Variants in MEGF8 observed in about 807,000 individuals in gnomAD.
MEGF8 encodes multiple EGF like domains 8.
A neutral mutation model predicts 302.9 loss-of-function variants in MEGF8; 156 were observed. The observed-to-expected ratio is 0.52, with a 90% CI of 0.45 to 0.59. The LOEUF is 0.59. Ranked by LOEUF, MEGF8 falls within the 20% of genes least tolerant of loss-of-function variation. The probability of loss-of-function intolerance (pLI) is 0.00; values close to 1 mark genes in which losing one functional copy is unlikely to be tolerated. For synonymous variants in MEGF8, 1,621 were observed against 1,660.5 expected (o/e 0.98, Z 0.58); for missense variants, 3,345 against 3,964.5 (o/e 0.84, Z 4.20).
chr19:42,363,220 T>A lies in MEGF8; in HGVS notation c.6231T>A (p.Asp2077Glu). The A allele has an allele frequency of 6.2e-7, 1 of 1,610,148 alleles. No homozygotes were observed. The highest frequency in any genetic ancestry group is 8.5e-7 in the Non-Finnish European group (1 of 1,178,390). Residue 2077 changes from aspartate to glutamate, a missense_variant, in exon 35 of 42, where the codon GAT becomes GAA. Physicochemically the swap from Asp to Glu is conservative, Grantham distance 45 (BLOSUM62 2). Transcript: ENST00000251268. ...CCTGCCTGGACTCTAAGGGAGCAGATGGGGGCTGGCAGCACTGTGTTTGGA... is the reference window on the plus strand; with the variant it reads ...CCTGCCTGGACTCTAAGGGAGCAGAAGGGGGCTGGCAGCACTGTGTTTGGA... ...CTSCLDSKGA[D>E]GGWQHCVWSS...
At chr19:42,364,729 T>C (rs1240038538) in intron 35 of MEGF8, among the ~76,000 whole-genome samples, 1 of 152,210 alleles carries the variant, frequency 6.6e-6, no homozygotes, top group African/African-American at 2.4e-5. Flanking sequence ...TGACTCCAAC[T>C]TGGCCACTTC....
At chr19:42,359,380 T>A in intron 31 of MEGF8, 138 bp downstream of exon 31, 1 of 709,986 alleles carries the variant, frequency 1.4e-6, no homozygotes, top group Non-Finnish European at 2.0e-6. Context: ...CTGGATTATC[T>A]GAACACCAGG....
intron 32 of MEGF8, among the ~76,000 whole-genome samples, chr19:42,361,321 A>G (rs1040120012): frequency 1.3e-5 from 2 of 152,162 alleles, no homozygotes; most frequent in Non-Finnish European, 2.9e-5. Context: ...AGGGCTTCCC[A>G]TGCCTGGCAG....
At chr19:42,365,696 T>G (rs1488840663) in intron 35 of MEGF8, among the ~76,000 whole-genome samples, 1 of 145,344 alleles carries the variant, frequency 6.9e-6, no homozygotes, top group Admixed American at 7.1e-5. Flanking sequence ...CACTTGTGTC[T>G]GGGAGGTTGA....
rs760894129 is a variant in MEGF8 at position 42,375,979 on chromosome 19, C to T, written c.7742C>T (p.Thr2581Met). The change falls in exon 42 of 42, where the codon ACG (threonine) becomes ATG (methionine). Residue 2581 changes from threonine to methionine, a missense_variant. By Grantham distance (81) the Thr-to-Met change is moderately conservative. Coordinates refer to ENST00000251268, the MANE Select transcript of MEGF8 (RefSeq NM_001271938.2). The surrounding 1 kb of genome is among the most constrained non-coding windows in gnomAD (Gnocchi z 7.1). ...PRGLITYVTVTEPSAVLVVRG... is the reference protein window; with the variant it reads ...PRGLITYVTVMEPSAVLVVRG... ...GGCCTGATTACCTACGTGACGGTGA[C>T]GGAGCCGTCGGCAGTGCTGGTGGTC... The T allele has an allele frequency of 4.6e-5, 74 of 1,606,050 alleles. No homozygotes were observed. The highest frequency in any genetic ancestry group is 1.1e-4 in the African/African-American group (8 of 74,884).
At position 42,358,995 on chromosome 19, in the gene MEGF8, G is replaced by T; in HGVS notation, c.5343+41G>T. 1.3e-6 allele frequency: 2 copies of T among 1,590,406 alleles called. No homozygotes were observed. Among genetic ancestry groups the T allele is most frequent in the East Asian group, 2.3e-5 (1 of 44,226 alleles). Reference sequence around the variant, plus strand: ...GGTTAGGATTGGGTGGGCTGGTAGGGGGGGATAGGTAGGGAAGTACAGGGG... The same window carrying T: ...GGTTAGGATTGGGTGGGCTGGTAGGTGGGGATAGGTAGGGAAGTACAGGGG... On this transcript the variant is annotated intron_variant, in intron 30 of 41. Transcript: ENST00000251268. This position sits in a 1 kb window ranked among gnomAD's most constrained non-coding sequence, Gnocchi z 4.4.
rs754534130 is a variant in MEGF8 at position 42,358,859 on chromosome 19, T to TG, written c.5253dup (p.Phe1752ValfsTer56). On this transcript the variant is annotated frameshift_variant, in exon 30 of 42. Transcript: ENST00000251268. LOFTEE classifies it high-confidence loss of function. The surrounding 1 kb of genome is among the most constrained non-coding windows in gnomAD (Gnocchi z 4.4). ...AGTTCCTGGGGAGCAGCCTGGGTCATGGGGGTTCCGGGAAGTCAGGAAGAA... is the reference window on the plus strand; with the variant it reads ...AGTTCCTGGGGAGCAGCCTGGGTCATGGGGGGTTCCGGGAAGTCAGGAAGAA... 1.1e-5 allele frequency: 18 copies of TG among 1,609,656 alleles called. No individual in the cohort carries two copies. In the African/African-American group the frequency reaches 1.6e-4, roughly 14 times the overall value.
At position 42,350,353 on chromosome 19, in the gene MEGF8, A is replaced by G. The variant is rs1383927945; in HGVS notation, c.2705A>G (p.Glu902Gly). 1 of 1,595,738 alleles carries G rather than the reference A, an allele frequency of 6.3e-7. No homozygotes were observed. Among genetic ancestry groups the G allele is most frequent in the Non-Finnish European group, 8.5e-7 (1 of 1,173,166 alleles). Residue 902 changes from glutamate (E) to glycine (G), a missense_variant, in exon 15 of 42, where the codon GAG (glutamate) becomes GGG (glycine). Glu to Gly is a moderately conservative substitution (Grantham distance 98). Coordinates refer to ENST00000251268, the MANE Select transcript of MEGF8 (RefSeq NM_001271938.2). ...VLVPTLCPLCEEHRDCHACTQ... is the reference protein window; with the variant it reads ...VLVPTLCPLCGEHRDCHACTQ... ...GTGCCTACCCTCTGCCCACTCTGCG[A>G]GGAGCATCGGGACTGCCACGCCTGC...
intron 35 of MEGF8, among the ~76,000 whole-genome samples, chr19:42,367,227 G>A (rs1328459063): frequency 6.6e-6 from 1 of 151,986 alleles, no homozygotes; most frequent in Non-Finnish European, 1.5e-5. Context: ...CTCAGTGTGG[G>A]GTAAGAGAAG....
In MEGF8 at chr19:42,349,540, G is replaced by A. The variant is rs776196677; in HGVS notation, c.2340G>A (p.Thr780=). Residue 780 remains threonine, a synonymous_variant, in exon 14 of 42, where the codon ACG becomes ACA. Coordinates refer to ENST00000251268, the MANE Select transcript of MEGF8 (RefSeq NM_001271938.2). ...GGGTGGCTCATCAGGAGAAGGAGAC[G>A]CGGCGGCTGCAGCGCCCTGGGTCTG... ...GRWVAHQEKE[T]RRLQRPGSAR... is the part of the protein sequence containing the mutation. The A allele has an allele frequency of 9.9e-6, 16 of 1,611,954 alleles. No homozygotes were observed. Among genetic ancestry groups the A allele is most frequent in the Admixed American group, 5.0e-5 (3 of 60,010 alleles).
chr19:42,350,082 G>C, intron 14 of MEGF8, 66 bp from the exon 15 acceptor site: 2 of 1,325,712 alleles, frequency 1.5e-6, no homozygotes, highest in South Asian at 2.7e-5. Context: ...CTTACTTTCA[G>C]TTAGCGCCAG....
Position 42,352,969 on chromosome 19 carries a change from C to A in MEGF8, c.3392C>A (p.Pro1131Gln). The A allele has an allele frequency of 6.2e-7, 1 of 1,601,102 alleles. No homozygotes were observed. Among genetic ancestry groups the A allele is most frequent in the East Asian group, 2.3e-5 (1 of 44,318 alleles). The change falls in exon 20 of 42, where the codon CCG (proline) becomes CAG (glutamine). Residue 1131 changes from proline (P) to glutamine (Q), a missense_variant. Coordinates refer to ENST00000251268, the MANE Select transcript of MEGF8 (RefSeq NM_001271938.2). This position sits in a 1 kb window ranked among gnomAD's most constrained non-coding sequence, Gnocchi z 4.4. The part of the protein sequence containing the change: ...DCGHGVCSGP[P>Q]DFTCVCDLGW... ...GGCCATGGTGTGTGCAGTGGCCCCCCGGACTTTACCTGCGTGTGTGACCTA... is the reference window on the plus strand; with the variant it reads ...GGCCATGGTGTGTGCAGTGGCCCCCAGGACTTTACCTGCGTGTGTGACCTA...
At position 42,353,231 on chromosome 19, in the gene MEGF8, C is replaced by T; in HGVS notation, c.3550+104C>T. 8.7e-7 allele frequency: 1 copy of T among 1,142,930 alleles called. No individual in the cohort carries two copies. Among genetic ancestry groups the T allele is most frequent in the Non-Finnish European group, 1.2e-6 (1 of 821,622 alleles). The allele number at this position is 1,142,930 out of a possible 1,614,324, so 70.8% of individuals were successfully genotyped here. A position where few individuals can be genotyped will look rare whatever the true frequency, so the allele number is the denominator to read the frequency against. On this transcript the variant is annotated intron_variant, in intron 20 of 41. Transcript: ENST00000251268. This position sits in a 1 kb window ranked among gnomAD's most constrained non-coding sequence, Gnocchi z 6.1. ...GAGGGGGCCTCAGTGTCCTCTCATG[C>T]AGCTCTAGGTCCCCTGCCCCATTCC...
Position 42,358,818 on chromosome 19 carries a change from C to T in MEGF8, c.5207C>T (p.Ser1736Phe), listed in dbSNP as rs751604046. 3 of 1,590,932 alleles carry T rather than the reference C, an allele frequency of 1.9e-6. No individual in the cohort carries two copies. The highest frequency in any genetic ancestry group is 2.3e-5 in the South Asian group (2 of 87,062). ...RDRMRNVRGSSRGLGQVPGEQ... is the reference protein window; with the variant it reads ...RDRMRNVRGSFRGLGQVPGEQ... ...CGTATGAGGAATGTGCGTGGCTCAT[C>T]TCGGGGTCTGGGCCAAGTTCCTGGG... Residue 1736 changes from serine (S) to phenylalanine (F), a missense_variant, in exon 30 of 42, where the codon TCT becomes TTT. Physicochemically the swap from Ser to Phe is radical, Grantham distance 155. Transcript: ENST00000251268. The surrounding 1 kb of genome is among the most constrained non-coding windows in gnomAD (Gnocchi z 4.4).
At position 42,375,664 on chromosome 19, in the gene MEGF8, T is replaced by C; in HGVS notation, c.7427T>C (p.Val2476Ala). 6.2e-7 allele frequency: 1 copy of C among 1,610,680 alleles called. No individual in the cohort carries two copies. The highest frequency in any genetic ancestry group is 1.1e-5 in the South Asian group (1 of 90,312). The change falls in exon 42 of 42, where the codon GTC becomes GCC. Residue 2476 changes from valine to alanine, a missense_variant. Coordinates refer to ENST00000251268, the MANE Select transcript of MEGF8 (RefSeq NM_001271938.2). This position sits in a 1 kb window ranked among gnomAD's most constrained non-coding sequence, Gnocchi z 7.1. ...CGGGCGCTAGGCCCCGGCCGCACTGTCCTCTTTGGCGTGCAGCCCAAATTC... is the reference window on the plus strand; with the variant it reads ...CGGGCGCTAGGCCCCGGCCGCACTGCCCTCTTTGGCGTGCAGCCCAAATTC... The part of the protein sequence containing the change: ...KRRALGPGRT[V>A]LFGVQPKFTN...
rs1568557281 is a variant in MEGF8 at position 42,336,215 on chromosome 19, C to T, written c.1113C>T (p.Thr371=). 6.2e-7 allele frequency: 1 copy of T among 1,609,896 alleles called. No homozygotes were observed. The highest frequency in any genetic ancestry group is 1.3e-5 in the African/African-American group (1 of 75,076). ...TCTTCCGTTTCCGCCTTGACAGCAC[C>T]AGCGGGGGCTATTGGGAGCAGGTGA... ...SGLFRFRLDS[T]SGGYWEQVIP... is the part of the protein sequence containing the mutation. The change falls in exon 6 of 42, where the codon ACC becomes ACT. Residue 371 remains threonine (T), a synonymous_variant. Coordinates refer to ENST00000251268, the MANE Select transcript of MEGF8 (RefSeq NM_001271938.2). This position sits in a 1 kb window ranked among gnomAD's most constrained non-coding sequence, Gnocchi z 4.8.
At position 42,363,070 on chromosome 19, in the gene MEGF8, C is replaced by T. The variant is rs781196047; in HGVS notation, c.6081C>T (p.Ser2027=). The change falls in exon 35 of 42, where the codon TCC becomes TCT. Residue 2027 remains serine, a synonymous_variant. Transcript: ENST00000251268. ...KRTGETRRIL[S]VQPTYDWTCF... Reference sequence around the variant, plus strand: ...CAGGGGAGACCCGCCGCATCCTCTCCGTGCAGCCCACCTATGACTGGACGT... The same window carrying T: ...CAGGGGAGACCCGCCGCATCCTCTCTGTGCAGCCCACCTATGACTGGACGT... 9.9e-6 allele frequency: 16 copies of T among 1,613,038 alleles called. No homozygotes were observed. Among genetic ancestry groups the T allele is most frequent in the Admixed American group, 6.7e-5 (4 of 59,860 alleles).
chr19:42,335,395 C>T lies in MEGF8; in HGVS notation c.828+10C>T. 1 of 1,613,234 alleles carries T rather than the reference C, an allele frequency of 6.2e-7. No homozygotes were observed. Among genetic ancestry groups the T allele is most frequent in the Non-Finnish European group, 8.5e-7 (1 of 1,179,282 alleles). Reference sequence around the variant, plus strand: ...CCTGAGTCCTGCCCCGGTATGGACCCCTCCTCTGCCCTGGAGGAGCCTTTC... The same window carrying T: ...CCTGAGTCCTGCCCCGGTATGGACCTCTCCTCTGCCCTGGAGGAGCCTTTC... On this transcript the variant is annotated intron_variant, in intron 5 of 41. Transcript: ENST00000251268.
Position 42,351,773 on chromosome 19 carries a change from C to T in MEGF8, c.3101+12C>T, listed in dbSNP as rs746762579. On this transcript the variant is annotated intron_variant, in intron 18 of 41. Coordinates refer to ENST00000251268, the MANE Select transcript of MEGF8 (RefSeq NM_001271938.2). The surrounding 1 kb of genome is among the most constrained non-coding windows in gnomAD (Gnocchi z 5.6). ...CCCACACTGGGACGGTGAGCCCGGGCAGGTGGGTGGGCAGGGTGCCCGGCT... is the reference window on the plus strand; with the variant it reads ...CCCACACTGGGACGGTGAGCCCGGGTAGGTGGGTGGGCAGGGTGCCCGGCT... 41 of 1,560,530 alleles carry T rather than the reference C, an allele frequency of 2.6e-5. No individual in the cohort carries two copies. The highest frequency in any genetic ancestry group is 3.6e-5 in the Non-Finnish European group (41 of 1,152,368).
Sources: allele counts gnomAD v4.1 joint callset (sites outside exome capture counted in the v4.1 genomes callset), GRCh38; gene constraint gnomAD v4.1.1; non-coding constraint Gnocchi (gnomAD v3.1); transcripts MANE v1.5; gene names NCBI Gene and HGNC (gene_info 2026-07-23, HGNC 2026-07-21).